PAM: variants seen among roughly 807,000 people sequenced by gnomAD.
PAM encodes the protein peptidyl-glycine alpha-amidating monooxygenase.
Under a neutral mutation model 122.1 loss-of-function variants are expected in PAM, and 72 were observed. The observed-to-expected ratio is 0.59, with a 90% CI of 0.49 to 0.72. PAM has a LOEUF of 0.72. Ranked by LOEUF, PAM falls within the 30% of genes least tolerant of loss-of-function variation. The pLI, the probability that PAM is intolerant of heterozygous loss-of-function variation, is 0.00. For synonymous variants in PAM, 389 were observed against 404.4 expected (o/e 0.96, Z 0.46); for missense variants, 1,106 against 1,183.7 (o/e 0.93, Z 0.96).
intron 1 of PAM, among the ~76,000 whole-genome samples, chr5:102,858,858 A>C (rs1432050088): frequency 6.6e-6 from 1 of 152,162 alleles, no homozygotes; most frequent in Non-Finnish European, 1.5e-5. Context: ...CCTCATAATG[A>C]TGCTTTACTC....
chr5:102,965,642 C>T (rs528714593), intron 14 of PAM, among the ~76,000 whole-genome samples: 1 of 152,126 alleles, frequency 6.6e-6, no homozygotes, highest in African/African-American at 2.4e-5. Flanking sequence ...AAAATCTCCT[C>T]ATTGTAGTCT....
chr5:103,005,076 CAGATT>C, intron 17 of PAM, 73 bp from the exon 18 acceptor site: 2 of 756,960 alleles, frequency 2.6e-6, no homozygotes, highest in South Asian at 2.9e-5. Context: ...ATTGTCTTTA[CAGATT>C]AATTAGAAAA....
intron 7 of PAM, among the ~76,000 whole-genome samples, chr5:102,944,342 A>C (rs1056637350): frequency 3.9e-5 from 6 of 152,164 alleles, no homozygotes; most frequent in Non-Finnish European, 5.9e-5. Flanking sequence ...ACAGGACATT[A>C]GTAGCTAAAG....
intron 24 of PAM, 34 bp downstream of exon 24, chr5:103,025,368 G>A (rs1201940345): frequency 5.9e-6 from 9 of 1,529,434 alleles, no homozygotes; most frequent in Middle Eastern, 3.4e-4. Context: ...CTTGGAACCT[G>A]CCTTTGAAAG....
At chr5:102,903,637 T>A (rs1221946070) in intron 4 of PAM, among the ~76,000 whole-genome samples, 1 of 151,508 alleles carries the variant, frequency 6.6e-6, no homozygotes, top group Non-Finnish European at 1.5e-5. Flanking sequence ...TGCCAGACAC[T>A]GTAAGATACT....
intron 7 of PAM, among the ~76,000 whole-genome samples, chr5:102,930,963 G>A (rs1243922928): frequency 1.3e-5 from 2 of 152,184 alleles, no homozygotes; most frequent in Non-Finnish European, 2.9e-5. Context: ...AGGCAGACTG[G>A]TAATGGCACA....
At chr5:102,941,833 CAAAAAAAA>C (rs70990420) in intron 7 of PAM, among the ~76,000 whole-genome samples, 13 of 58,376 alleles carry the variant, frequency 2.2e-4, no homozygotes, top group African/African-American at 6.9e-4. Context: ...CCAGATGGTA[CAAAAAAAA>C]AAAAAAAAAA....
At position 102,759,203 on chromosome 5, in the gene PAM, C is replaced by T. The variant is rs528259744; in HGVS notation, c.-374+3855C>T. ...CCTCAGAAGATAGGATAGCAGGGTC[C>T]TGGGTAGGTGAATGTCACACAGTGC... On this transcript the variant is annotated intron_variant, in intron 1 of 25. Transcript: ENST00000438793. Among the ~76,000 whole-genome samples, 11 of 152,188 alleles carry T rather than the reference C, an allele frequency of 7.2e-5. No homozygotes were observed. The South Asian group carries it at 2.3e-3, about 32-fold the overall frequency.
At chr5:103,006,275 T>G (rs762281741) in intron 18 of PAM, among the ~76,000 whole-genome samples, 5 of 152,130 alleles carry the variant, frequency 3.3e-5, no homozygotes, top group Non-Finnish European at 7.4e-5. Flanking sequence ...TTTTTTTATG[T>G]TTTTTTCTTA....
At position 102,866,171 on chromosome 5, in the gene PAM, C is replaced by CCGG. The variant is rs1439984875; in HGVS notation, c.-21_-19dup. On this transcript the variant is annotated 5_prime_UTR_variant, in exon 2 of 26. Coordinates refer to ENST00000438793, the MANE Select transcript of PAM (RefSeq NM_001177306.2). The stretch of plus-strand genomic sequence containing the variant: ...CCGCGCTGCGCTGCCCGGTCCTCTC[C>CCGG]CGGCGGGGTCGTATCGGCGTGGACA... 6.4e-7 allele frequency: 1 copy of CCGG among 1,566,990 alleles called. No individual in the cohort carries two copies. The highest frequency in any genetic ancestry group is 1.7e-5 in the Admixed American group (1 of 59,950).
At chr5:102,795,794 T>C (rs1763243257) in intron 1 of PAM, among the ~76,000 whole-genome samples, 2 of 152,336 alleles carry the variant, frequency 1.3e-5, no homozygotes, top group East Asian at 1.9e-4. Context: ...CTCTCTTCAC[T>C]TAAAGCAGGG....
At chr5:102,821,355 T>C (rs1341893072) in intron 1 of PAM, among the ~76,000 whole-genome samples, 1 of 152,182 alleles carries the variant, frequency 6.6e-6, no homozygotes, top group Non-Finnish European at 1.5e-5. Flanking sequence ...CGTTCCCCAC[T>C]TCAGAGGTAT....
At chr5:102,763,888 A>T (rs1753118017) in intron 1 of PAM, among the ~76,000 whole-genome samples, 1 of 152,052 alleles carries the variant, frequency 6.6e-6, no homozygotes, top group African/African-American at 2.4e-5. Flanking sequence ...GGAGCTGGGG[A>T]CTTGATGTGA....
chr5:102,804,338 G>A (rs1037009329), intron 1 of PAM, among the ~76,000 whole-genome samples: 8 of 152,056 alleles, frequency 5.3e-5, no homozygotes, highest in South Asian at 2.1e-4. Context: ...TTAAAGGGGC[G>A]AGACACTGGA....
chr5:102,795,011 G>A (rs1580206388), intron 1 of PAM, among the ~76,000 whole-genome samples: 1 of 151,594 alleles, frequency 6.6e-6, no homozygotes, highest in Admixed American at 6.6e-5. Context: ...TCAACATAGG[G>A]AAACCCCATC....
At chr5:102,809,367 A>AG (rs1767202620) in intron 1 of PAM, among the ~76,000 whole-genome samples, 1 of 126,946 alleles carries the variant, frequency 7.9e-6, no homozygotes. Flanking sequence ...AAAAAAAAAA[A>AG]AAAAGAAAAC....
chr5:102,941,471 A>G (rs1450671115), intron 7 of PAM, among the ~76,000 whole-genome samples: 1 of 152,226 alleles, frequency 6.6e-6, no homozygotes, highest in African/African-American at 2.4e-5. Context: ...CCCAGCTTTC[A>G]GCAGCCTCCA....
At chr5:102,772,160 C>CT (rs1478419594) in intron 1 of PAM, among the ~76,000 whole-genome samples, 5 of 152,064 alleles carry the variant, frequency 3.3e-5, no homozygotes, top group Non-Finnish European at 7.4e-5. Context: ...TGTAATTATT[C>CT]TTTGAGATTA....
At position 103,028,912 on chromosome 5, in the gene PAM, T is replaced by C; in HGVS notation, c.2769T>C (p.Leu923=). The change falls in exon 26 of 26, where the codon CTT becomes CTC. Residue 923 remains leucine (L), a synonymous_variant. Transcript: ENST00000438793. The part of the protein sequence containing the change: ...FRGKGSGGLN[L]GNFFASRKGY... ...GAAAGGGAAGTGGAGGCTTAAACCTTGGTAATTTCTTTGCAAGCCGTAAGG... is the reference window on the plus strand; with the variant it reads ...GAAAGGGAAGTGGAGGCTTAAACCTCGGTAATTTCTTTGCAAGCCGTAAGG... The C allele has an allele frequency of 1.2e-6, 2 of 1,611,574 alleles. No individual in the cohort carries two copies. Among genetic ancestry groups the C allele is most frequent in the Non-Finnish European group, 1.7e-6 (2 of 1,179,200 alleles).
Sources: allele counts gnomAD v4.1 joint callset (sites outside exome capture counted in the v4.1 genomes callset), GRCh38; gene constraint gnomAD v4.1.1; transcripts MANE v1.5; gene names NCBI Gene and HGNC (gene_info 2026-07-23, HGNC 2026-07-21).